The following MYRIP variants were observed in gnomAD, a reference collection of about 807,000 sequenced individuals.
MYRIP encodes rab effector MyRIP.
A neutral mutation model predicts 98.0 loss-of-function variants in MYRIP; 49 were observed. That is an observed-to-expected ratio of 0.50 (90% confidence interval 0.40 to 0.63). The LOEUF is 0.63. MYRIP is among the 30% of genes least tolerant of loss of function. MYRIP has a pLI of 0.00. For synonymous variants in MYRIP, 404 were observed against 409.5 expected, an observed-to-expected ratio of 0.99 and a Z score of 0.16; for missense variants, 1,004 against 1,058.2, an observed-to-expected ratio of 0.95 and a Z score of 0.71.
intron 3 of MYRIP, among the ~76,000 whole-genome samples, chr3:40,090,701 T>C (rs368081292): frequency 3.3e-5 from 5 of 152,346 alleles, no homozygotes; most frequent in African/African-American, 1.2e-4. Flanking sequence ...TCAGAATATC[T>C]TTCAGAAATA....
chr3:40,105,772 A>G (rs1385473749), intron 3 of MYRIP, among the ~76,000 whole-genome samples: 1 of 152,122 alleles, frequency 6.6e-6, no homozygotes, highest in African/African-American at 2.4e-5. Flanking sequence ...GCAGAGAGAG[A>G]AGAGTGAGGC....
chr3:40,089,815 C>T (rs1410235456), intron 3 of MYRIP, among the ~76,000 whole-genome samples: 1 of 152,116 alleles, frequency 6.6e-6, no homozygotes, highest in African/African-American at 2.4e-5. Context: ...CCTTAAAAAC[C>T]ATTTTCTATA....
intron 3 of MYRIP, among the ~76,000 whole-genome samples, chr3:40,142,827 G>A (rs1435200276): frequency 6.6e-6 from 1 of 152,206 alleles, no homozygotes; most frequent in Non-Finnish European, 1.5e-5. Context: ...TTCCAAGTTG[G>A]AAAGCTTTTC....
chr3:39,903,075 A>G (rs1220803650), intron 2 of MYRIP, among the ~76,000 whole-genome samples: 1 of 152,212 alleles, frequency 6.6e-6, no homozygotes, highest in Admixed American at 6.5e-5. Flanking sequence ...GACAGTTGTT[A>G]CTATTGTCCT....
chr3:40,150,130 T>C lies in MYRIP; in HGVS notation c.333-918T>C, dbSNP rs188843016. 2.1e-3 allele frequency among the ~76,000 whole-genome samples: 318 copies of C among 152,264 alleles called. 4 individuals are homozygous for C. In the South Asian group the frequency reaches 0.027, roughly 13 times the overall value. On this transcript the variant is annotated intron_variant, in intron 3 of 16. Transcript: ENST00000302541. ...TGGAATCTCACTCTGTCGCCCAGGCTGGAGGGCAGTGGTGCTGTGGTGCTG... is the reference window on the plus strand; with the variant it reads ...TGGAATCTCACTCTGTCGCCCAGGCCGGAGGGCAGTGGTGCTGTGGTGCTG...
At chr3:40,056,255 A>G (rs566622284) in intron 3 of MYRIP, among the ~76,000 whole-genome samples, 5 of 152,246 alleles carry the variant, frequency 3.3e-5, no homozygotes, top group Admixed American at 2.6e-4. Context: ...TTGTGATTCA[A>G]TTGCCTCCTA....
intron 2 of MYRIP, among the ~76,000 whole-genome samples, chr3:40,018,923 C>T (rs72871416): frequency 0.016 from 2,409 of 152,276 alleles, 54 homozygotes; most frequent in African/African-American, 0.055. Flanking sequence ...CAGCTTCTCA[C>T]TACAATGAGC....
chr3:39,841,071 AT>A (rs1298719109), intron 1 of MYRIP, among the ~76,000 whole-genome samples: 1 of 151,810 alleles, frequency 6.6e-6, no homozygotes, highest in African/African-American at 2.4e-5. Flanking sequence ...ACTCGGTTCC[AT>A]TTTCCCCGTC....
intron 2 of MYRIP, among the ~76,000 whole-genome samples, chr3:39,907,129 G>T (rs1225440245): frequency 6.6e-6 from 1 of 152,026 alleles, no homozygotes; most frequent in Non-Finnish European, 1.5e-5. Context: ...TTGGGCATTT[G>T]GTTTAGTGTT....
At chr3:39,959,595 C>T (rs1286725772) in intron 2 of MYRIP, among the ~76,000 whole-genome samples, 2 of 151,564 alleles carry the variant, frequency 1.3e-5, no homozygotes, top group African/African-American at 2.4e-5. Flanking sequence ...ATGGGTGCAG[C>T]ACACCAGCAT....
At chr3:39,959,333 C>T (rs929698699) in intron 2 of MYRIP, among the ~76,000 whole-genome samples, 2 of 152,162 alleles carry the variant, frequency 1.3e-5, no homozygotes, top group African/African-American at 2.4e-5. Flanking sequence ...CCATGGAATA[C>T]TATGCAGCCA....
intron 2 of MYRIP, among the ~76,000 whole-genome samples, chr3:40,010,503 A>ACTTGATT (rs2125795252): frequency 6.6e-6 from 1 of 152,314 alleles, no homozygotes; most frequent in Non-Finnish European, 1.5e-5. Flanking sequence ...ACTTGCTTCC[A>ACTTGATT]CTTGATTCCA....
chr3:40,157,295 A>G (rs1354844199), intron 4 of MYRIP, among the ~76,000 whole-genome samples: 2 of 137,770 alleles, frequency 1.5e-5, no homozygotes, highest in African/African-American at 5.6e-5. Context: ...GCTGGATTAC[A>G]TTTATTGATT....
chr3:39,916,849 A>G (rs1363616243), intron 2 of MYRIP, among the ~76,000 whole-genome samples: 1 of 152,166 alleles, frequency 6.6e-6, no homozygotes, highest in African/African-American at 2.4e-5. Context: ...ATTATTAAAC[A>G]ATAAAGTAAC....
intron 2 of MYRIP, among the ~76,000 whole-genome samples, chr3:39,932,350 T>G (rs1411059672): frequency 6.6e-6 from 1 of 151,592 alleles, no homozygotes; most frequent in Non-Finnish European, 1.5e-5. Flanking sequence ...CAGTCAGTCC[T>G]GCACCCACAA....
At chr3:39,974,817 G>C (rs1488937436) in intron 2 of MYRIP, among the ~76,000 whole-genome samples, 1 of 152,112 alleles carries the variant, frequency 6.6e-6, no homozygotes, top group African/African-American at 2.4e-5. Flanking sequence ...AATCTCAATA[G>C]ATGCAGAAAA....
At chr3:40,000,084 A>T (rs1361418737) in intron 2 of MYRIP, among the ~76,000 whole-genome samples, 3 of 151,570 alleles carry the variant, frequency 2.0e-5, no homozygotes, top group Non-Finnish European at 4.4e-5. Context: ...TTAAATGACG[A>T]GTTAATGGGT....
chr3:39,989,453 G>T (rs545636666), intron 2 of MYRIP, among the ~76,000 whole-genome samples: 1 of 152,166 alleles, frequency 6.6e-6, no homozygotes, highest in African/African-American at 2.4e-5. Flanking sequence ...GAACGCTCTT[G>T]TATAGCATGT....
At chr3:40,151,699 A>G (rs1240477965) in intron 4 of MYRIP, among the ~76,000 whole-genome samples, 1 of 152,226 alleles carries the variant, frequency 6.6e-6, no homozygotes, top group African/African-American at 2.4e-5. Context: ...GTTTTTATAC[A>G]GTTAAGATAA....
Sources: gnomAD v4.1 joint callset for allele counts (sites outside exome capture counted in the v4.1 genomes callset) on GRCh38, gnomAD v4.1.1 for gene constraint, MANE v1.5 for transcripts, NCBI Gene and HGNC (gene_info 2026-07-23, HGNC 2026-07-21) for gene names.